The following GALNTL6 variants were observed in gnomAD, a reference collection of about 807,000 sequenced individuals.
GALNTL6 encodes the protein polypeptide N-acetylgalactosaminyltransferase like 6.
GALNTL6 carries 46 observed loss-of-function variants against 73.7 expected under a neutral mutation model. The ratio of observed to expected loss-of-function variants is 0.62; its 90% confidence interval spans 0.49 to 0.80. The LOEUF (loss-of-function observed/expected upper bound fraction) is 0.80. Among genes scored for constraint, GALNTL6 ranks in the 30% least tolerant of loss-of-function variants. GALNTL6 has a pLI of 0.00. For missense variants in GALNTL6, 604 were observed against 755.0 expected, an observed-to-expected ratio of 0.80 and a Z score of 2.34; for synonymous variants, 259 against 263.7, an observed-to-expected ratio of 0.98 and a Z score of 0.17.
chr4:171,834,963 G>A (rs1435295230), intron 2 of GALNTL6, among the ~76,000 whole-genome samples: 1 of 151,950 alleles, frequency 6.6e-6, no homozygotes, highest in African/African-American at 2.4e-5. Flanking sequence ...ATATTTCATA[G>A]TAGTTAGCAA....
intron 2 of GALNTL6, among the ~76,000 whole-genome samples, chr4:172,134,324 G>T (rs1477361672): frequency 6.6e-6 from 1 of 151,748 alleles, no homozygotes; most frequent in Non-Finnish European, 1.5e-5. Context: ...GGCGGAGTTT[G>T]CAGTGAGCCG....
At chr4:172,570,001 T>G (rs1033164748) in intron 5 of GALNTL6, among the ~76,000 whole-genome samples, 6 of 152,214 alleles carry the variant, frequency 3.9e-5, no homozygotes, top group Admixed American at 3.9e-4. Flanking sequence ...TTTATTTCTC[T>G]AATAAGTCCA....
At chr4:171,888,653 A>G (rs1223071251) in intron 2 of GALNTL6, among the ~76,000 whole-genome samples, 1 of 152,086 alleles carries the variant, frequency 6.6e-6, no homozygotes, top group Non-Finnish European at 1.5e-5. Context: ...CTTTTCTTCA[A>G]ACTTGACAGA....
chr4:172,134,194 T>G (rs1733574539), intron 2 of GALNTL6, among the ~76,000 whole-genome samples: 1 of 152,016 alleles, frequency 6.6e-6, no homozygotes, highest in African/African-American at 2.4e-5. Flanking sequence ...CCATCCTGGC[T>G]AACTCGGTGA....
chr4:172,748,610 C>CG (rs1737246264), intron 5 of GALNTL6, among the ~76,000 whole-genome samples: 1 of 151,804 alleles, frequency 6.6e-6, no homozygotes, highest in South Asian at 2.1e-4. Flanking sequence ...GCTGGGGTTA[C>CG]GGGTAGATAC....
intron 2 of GALNTL6, among the ~76,000 whole-genome samples, chr4:171,946,619 T>C (rs1225127701): frequency 2.6e-5 from 4 of 152,250 alleles, no homozygotes; most frequent in Middle Eastern, 3.4e-3. Flanking sequence ...GAGAGTAACT[T>C]TGAAGATTGT....
chr4:172,371,262 T>G (rs898841699), intron 5 of GALNTL6, among the ~76,000 whole-genome samples: 2 of 152,196 alleles, frequency 1.3e-5, no homozygotes, highest in African/African-American at 4.8e-5. Context: ...TCCTCCTATG[T>G]CTGGTCGGAA....
intron 5 of GALNTL6, among the ~76,000 whole-genome samples, chr4:172,417,199 A>ATTC (rs1730870407): frequency 2.0e-5 from 3 of 151,628 alleles, no homozygotes; most frequent in African/African-American, 7.3e-5. Flanking sequence ...TGTGTGAACC[A>ATTC]ATATCCTTTC....
At chr4:171,842,950 A>G (rs1313461164) in intron 2 of GALNTL6, among the ~76,000 whole-genome samples, 1 of 152,140 alleles carries the variant, frequency 6.6e-6, no homozygotes, top group Non-Finnish European at 1.5e-5. Flanking sequence ...TCAACCATCC[A>G]TTCAATATAT....
intron 2 of GALNTL6, among the ~76,000 whole-genome samples, chr4:171,904,957 C>G (rs971700146): frequency 6.6e-6 from 1 of 152,112 alleles, no homozygotes; most frequent in Non-Finnish European, 1.5e-5. Flanking sequence ...GAGATTTTGT[C>G]ACCACCAGGC....
Position 172,838,125 on chromosome 4 carries a change from G to C in GALNTL6, c.923+24402G>C, listed in dbSNP as rs1225038761. On this transcript the variant is annotated intron_variant, in intron 7 of 12. Coordinates refer to ENST00000506823, the MANE Select transcript of GALNTL6 (RefSeq NM_001034845.3). ...TTCTATGTTTGGAAATCTAAGGTGA[G>C]GGAAGTGGGGGCAGTTGAGAGATGG... Among the ~76,000 whole-genome samples the C allele has an allele frequency of 9.2e-5, 14 of 152,030 alleles. No homozygotes were observed. The East Asian group carries it at 2.5e-3, about 27-fold the overall frequency.
At chr4:172,247,024 C>T (rs769307393) in intron 3 of GALNTL6, among the ~76,000 whole-genome samples, 11 of 152,040 alleles carry the variant, frequency 7.2e-5, no homozygotes, top group Non-Finnish European at 1.3e-4. Context: ...CCCTGTGCCT[C>T]ACCCATCTAT....
chr4:172,327,589 A>G (rs1740985372), intron 4 of GALNTL6, among the ~76,000 whole-genome samples: 1 of 152,084 alleles, frequency 6.6e-6, no homozygotes, highest in Non-Finnish European at 1.5e-5. Context: ...TGTTGAGTGT[A>G]TATATATTTG....
rs569577882 is a variant in GALNTL6 at position 172,661,846 on chromosome 4, G to T, written c.554-147515G>T. ...TATTGAACACCCTTATCACAGGGAG[G>T]CAACAATGGTGAGTGGGTGAATGAC... On this transcript the variant is annotated intron_variant, in intron 5 of 12. Coordinates refer to ENST00000506823, the MANE Select transcript of GALNTL6 (RefSeq NM_001034845.3). Among the ~76,000 whole-genome samples the T allele has an allele frequency of 2.0e-5, 3 of 152,168 alleles. No individual in the cohort carries two copies. In the South Asian group the frequency reaches 6.2e-4, roughly 31 times the overall value.
chr4:171,834,841 C>A (rs950308397), intron 2 of GALNTL6, among the ~76,000 whole-genome samples: 2 of 151,862 alleles, frequency 1.3e-5, no homozygotes, highest in African/African-American at 4.8e-5. Flanking sequence ...ACTGATGAAC[C>A]AGGGGGAGGA....
chr4:172,903,576 G>A (rs1030220153), intron 8 of GALNTL6, among the ~76,000 whole-genome samples: 1 of 152,016 alleles, frequency 6.6e-6, no homozygotes, highest in Non-Finnish European at 1.5e-5. Flanking sequence ...ACCTATAAAT[G>A]TACATTTATT....
chr4:172,083,411 A>T (rs1313881900), intron 2 of GALNTL6, among the ~76,000 whole-genome samples: 1 of 152,174 alleles, frequency 6.6e-6, no homozygotes, highest in African/African-American at 2.4e-5. Context: ...ATGACATCCT[A>T]GGTCCTCAAG....
At chr4:171,823,852 G>T (rs941294794) in intron 2 of GALNTL6, among the ~76,000 whole-genome samples, 1 of 150,894 alleles carries the variant, frequency 6.6e-6, no homozygotes, top group Non-Finnish European at 1.5e-5. Flanking sequence ...AGTAAGTGGG[G>T]ATAGATGGGT....
intron 12 of GALNTL6, among the ~76,000 whole-genome samples, chr4:173,032,483 A>G (rs1753510776): frequency 6.6e-6 from 1 of 151,782 alleles, no homozygotes; most frequent in African/African-American, 2.4e-5. Flanking sequence ...ATACGGTCAG[A>G]CATCCCAGCC....
Sources: allele counts gnomAD v4.1 joint callset (sites outside exome capture counted in the v4.1 genomes callset), GRCh38; gene constraint gnomAD v4.1.1; transcripts MANE v1.5; gene names NCBI Gene and HGNC (gene_info 2026-07-23, HGNC 2026-07-21).